The following DNMT3A variants were observed in gnomAD, a reference collection of about 807,000 sequenced individuals.
DNMT3A encodes DNA (cytosine-5)-methyltransferase 3A.
In DNMT3A, 267 loss-of-function variants were observed where a neutral mutation model predicts 117.6. The ratio of observed to expected loss-of-function variants is 2.27; its 90% confidence interval spans 2.05 to 2.51. DNMT3A has a LOEUF of 2.51. DNMT3A is among the 30% of genes most tolerant of loss of function. The probability of loss-of-function intolerance (pLI) is 0.00; values close to 1 mark genes in which losing one functional copy is unlikely to be tolerated. For missense variants in DNMT3A, 1,029 were observed against 1,260.2 expected (o/e 0.82, Z 2.78); for synonymous variants, 432 against 474.8 (o/e 0.91, Z 1.17).
chr2:25,244,140 A>AG lies in DNMT3A; in HGVS notation c.1851+14dup. The AG allele has an allele frequency of 6.2e-7, 1 of 1,613,954 alleles. No individual in the cohort carries two copies. The highest frequency in any genetic ancestry group is 8.5e-7 in the Non-Finnish European group (1 of 1,179,980). On this transcript the variant is annotated intron_variant, in intron 15 of 22. Coordinates refer to ENST00000321117, the MANE Select transcript of DNMT3A (RefSeq NM_022552.5). ...CCAAGGGAGCTCGAGACCGCGCCCC[A>AG]GGCCCAGCACTCACAAATTCCTGGT...
intron 9 of DNMT3A, 122 bp from the exon 10 acceptor site, chr2:25,246,898 G>C: frequency 1.3e-6 from 2 of 1,511,114 alleles, no homozygotes; most frequent in Non-Finnish European, 1.8e-6. Context: ...AACCGCTGAG[G>C]AGGAGCGGGA....
At chr2:25,302,717 G>T (rs1379116757) in intron 2 of DNMT3A, among the ~76,000 whole-genome samples, 2 of 152,228 alleles carry the variant, frequency 1.3e-5, no homozygotes, top group African/African-American at 4.8e-5. Context: ...ACACAGAGAG[G>T]ACGTATTGCC....
At chr2:25,249,725 CTACAA>C in intron 6 of DNMT3A, 1 of 1,614,150 alleles carries the variant, frequency 6.2e-7, no homozygotes, top group South Asian at 1.1e-5. Context: ...TCCAGGATCC[CTACAA>C]AGGAGAATGA....
rs1215768866 is a variant in DNMT3A, at chr2:25,231,398, T to TA, written c.*2880dup. 2 of 152,140 alleles carry TA rather than the reference T, an allele frequency of 1.3e-5. No individual in the cohort carries two copies. Among genetic ancestry groups the TA allele is most frequent in the African/African-American group, 4.8e-5 (2 of 41,416 alleles). 9.4% of individuals were successfully genotyped at this position (152,140 alleles called of 1,614,324 possible). A position where few individuals can be genotyped will look rare whatever the true frequency, so the allele number is the denominator to read the frequency against. On this transcript the variant is annotated 3_prime_UTR_variant, in exon 23 of 23. Coordinates refer to ENST00000321117, the MANE Select transcript of DNMT3A (RefSeq NM_022552.5). ...GACAGGAAGCAACTGGGCATGATCT[T>TA]AAACACCAATCTGTCGAGGAGACAG...
At chr2:25,335,374 G>A (rs2035170930) in intron 1 of DNMT3A, among the ~76,000 whole-genome samples, 1 of 152,212 alleles carries the variant, frequency 6.6e-6, no homozygotes, top group African/African-American at 2.4e-5. Flanking sequence ...CAGGGGCAGG[G>A]GCGAACTCGC....
rs77347416 is a variant in DNMT3A at position 25,257,601 on chromosome 2, G to A, written c.640-9349C>T. 1.9e-4 allele frequency among the ~76,000 whole-genome samples: 29 copies of A among 152,242 alleles called. 1 individual carries two copies. In the East Asian group the frequency reaches 5.2e-3, roughly 27 times the overall value. Reference sequence around the variant, plus strand: ...GCTCTCCAGAAGCTCCTGGAAGCCCGGAGAGGCCAGTCAATCCTTAGCACA... The same window carrying A: ...GCTCTCCAGAAGCTCCTGGAAGCCCAGAGAGGCCAGTCAATCCTTAGCACA... On this transcript the variant is annotated intron_variant, in intron 6 of 22. Transcript: ENST00000321117. The surrounding 1 kb of genome is among the most constrained non-coding windows in gnomAD (Gnocchi z 4.8).
chr2:25,270,557 G>A (rs2030785216), intron 6 of DNMT3A, among the ~76,000 whole-genome samples: 1 of 152,194 alleles, frequency 6.6e-6, no homozygotes, highest in Non-Finnish European at 1.5e-5. Flanking sequence ...GCTGGAGCTG[G>A]GTCCTGAAGG....
Position 25,306,265 on chromosome 2 carries a change from G to A in DNMT3A, c.73-6022C>T, listed in dbSNP as rs1311334763. ...TCCCAGCGTGAGGGGTCAGGCAGTG[G>A]GCTGGGAATCACTGTAGATGCGCAT... On this transcript the variant is annotated intron_variant, in intron 2 of 22. Transcript: ENST00000321117. The surrounding 1 kb of genome is among the most constrained non-coding windows in gnomAD (Gnocchi z 4.1). Among the ~76,000 whole-genome samples the A allele has an allele frequency of 6.6e-6, 1 of 152,208 alleles. No homozygotes were observed. Among genetic ancestry groups the A allele is most frequent in the African/African-American group, 2.4e-5 (1 of 41,446 alleles).
At position 25,246,026 on chromosome 2, in the gene DNMT3A, TG is replaced by T; in HGVS notation, c.1467del (p.Asn489LysfsTer162). On this transcript the variant is annotated frameshift_variant, in exon 12 of 23. Coordinates refer to ENST00000321117, the MANE Select transcript of DNMT3A (RefSeq NM_022552.5). LOFTEE classifies it high-confidence loss of function. ...TCCCAGGCAACAAACTTACCCTCAA[TG>T]TTCCGGCACTTCTGCCGCACCTCGT... is the stretch of plus-strand genomic sequence containing the variant. ...LVYEVRQKCR[N>X]IEDICISCGS... The T allele has an allele frequency of 6.2e-7, 1 of 1,614,026 alleles. No individual in the cohort carries two copies. The highest frequency in any genetic ancestry group is 8.5e-7 in the Non-Finnish European group (1 of 1,179,912).
rs1249490029 is a variant in DNMT3A, at chr2:25,290,320, A to ATTTTTTTT, written c.178-7617_178-7610dup. Among the ~76,000 whole-genome samples the ATTTTTTTT allele has an allele frequency of 9.2e-3, 1,167 of 126,402 alleles. 42 individuals are homozygous for ATTTTTTTT. Among genetic ancestry groups the ATTTTTTTT allele is most frequent in the African/African-American group, 0.033 (1,089 of 32,890 alleles). The allele number at this position is 126,402 out of a possible 152,430, so 82.9% of individuals were successfully genotyped here. A position where few individuals can be genotyped will look rare whatever the true frequency, so the allele number is the denominator to read the frequency against. On this transcript the variant is annotated intron_variant, in intron 3 of 22. Transcript: ENST00000321117. ...ACATCCAGCTAATTTTATGGAAGTGATTTTTTTTTTTTTTTTTTGAGACGC... is the reference window on the plus strand; with the variant it reads ...ACATCCAGCTAATTTTATGGAAGTGATTTTTTTTTTTTTTTTTTTTTTTTTTGAGACGC...
rs957313316 is a variant in DNMT3A, at chr2:25,237,884, C to T, written c.2409-879G>A. ...ATAACTGACTGGCTGTCCCCTTCAA[C>T]GCTGACCTTTTCTGACATGTAAGGA... On this transcript the variant is annotated intron_variant, in intron 20 of 22. Coordinates refer to ENST00000321117, the MANE Select transcript of DNMT3A (RefSeq NM_022552.5). This position sits in a 1 kb window ranked among gnomAD's most constrained non-coding sequence, Gnocchi z 5.4. Among the ~76,000 whole-genome samples, 2 of 152,192 alleles carry T rather than the reference C, an allele frequency of 1.3e-5. No homozygotes were observed. The highest frequency in any genetic ancestry group is 1.3e-4 in the Admixed American group (2 of 15,280).
chr2:25,321,775 A>C (rs1293351217), intron 1 of DNMT3A, among the ~76,000 whole-genome samples: 1 of 152,240 alleles, frequency 6.6e-6, no homozygotes, highest in East Asian at 1.9e-4. Context: ...AGTCCCAGCT[A>C]CTCGAGAGGC....
At chr2:25,287,739 C>CG (rs1434100022) in intron 3 of DNMT3A, among the ~76,000 whole-genome samples, 3 of 151,720 alleles carry the variant, frequency 2.0e-5, no homozygotes, top group Non-Finnish European at 4.4e-5. Context: ...ACCCCCGCCC[C>CG]CAACAGAGAT....
chr2:25,318,170 A>G (rs778493256), intron 1 of DNMT3A, among the ~76,000 whole-genome samples: 1 of 152,242 alleles, frequency 6.6e-6, no homozygotes, highest in Non-Finnish European at 1.5e-5. Flanking sequence ...TAAGGATGCC[A>G]ATACCAACAT....
intron 1 of DNMT3A, among the ~76,000 whole-genome samples, chr2:25,321,795 A>T (rs2034607880): frequency 6.6e-6 from 1 of 152,228 alleles, no homozygotes; most frequent in South Asian, 2.1e-4. Flanking sequence ...CTGATGTGGG[A>T]GGATCGCTCG....
At chr2:25,285,016 T>C (rs2032193773) in intron 3 of DNMT3A, among the ~76,000 whole-genome samples, 1 of 152,202 alleles carries the variant, frequency 6.6e-6, no homozygotes, top group Non-Finnish European at 1.5e-5. Flanking sequence ...TCCCTGATGG[T>C]GGGCATTTGG....
At chr2:25,303,692 C>T (rs961616914) in intron 2 of DNMT3A, among the ~76,000 whole-genome samples, 18 of 152,260 alleles carry the variant, frequency 1.2e-4, no homozygotes, top group African/African-American at 4.3e-4. Context: ...TGACATTTGG[C>T]CCTAAGAGCA....
At chr2:25,288,959 G>A (rs905777773) in intron 3 of DNMT3A, among the ~76,000 whole-genome samples, 5 of 152,152 alleles carry the variant, frequency 3.3e-5, no homozygotes, top group South Asian at 2.1e-4. Context: ...TGAACCCACC[G>A]CAGCTGTCAC....
intron 1 of DNMT3A, among the ~76,000 whole-genome samples, chr2:25,329,674 CA>C (rs1558746438): frequency 0.21 from 4,849 of 22,598 alleles, 339 homozygotes; most frequent in African/African-American, 0.28. Flanking sequence ...ATGCAGACCC[CA>C]CACACACACA....
Sources: allele counts gnomAD v4.1 joint callset (sites outside exome capture counted in the v4.1 genomes callset), GRCh38; gene constraint gnomAD v4.1.1; non-coding constraint Gnocchi (gnomAD v3.1); transcripts MANE v1.5; gene names NCBI Gene and HGNC (gene_info 2026-07-23, HGNC 2026-07-21).